IL15: variants seen among roughly 807,000 people sequenced by gnomAD.
The protein encoded by IL15 is interleukin 15.
IL15 carries 11 observed loss-of-function variants against 19.6 expected under a neutral mutation model. The observed-to-expected ratio is 0.56, with a 90% CI of 0.35 to 0.93. The LOEUF is 0.93. Ranked by LOEUF, IL15 falls within the 40% of genes least tolerant of loss-of-function variation. IL15 has a pLI of 0.01. For synonymous variants in IL15, 58 were observed against 59.6 expected, an observed-to-expected ratio of 0.97 and a Z score of 0.12; for missense variants, 197 against 186.5, an observed-to-expected ratio of 1.06 and a Z score of -0.33.
At chr4:141,638,984 A>G (rs1211144831) in intron 1 of IL15, among the ~76,000 whole-genome samples, 1 of 152,228 alleles carries the variant, frequency 6.6e-6, no homozygotes, top group East Asian at 1.9e-4. Flanking sequence ...AGCTGATCAT[A>G]ATACAGAGTT....
At chr4:141,690,207 C>G (rs961725665) in intron 2 of IL15, among the ~76,000 whole-genome samples, 7 of 152,314 alleles carry the variant, frequency 4.6e-5, no homozygotes, top group East Asian at 3.9e-4. Flanking sequence ...CCGCAAGCGC[C>G]GCACGCAGGC....
chr4:141,718,115 G>A (rs1729952028), intron 2 of IL15: 1 of 152,176 alleles, frequency 6.6e-6, no homozygotes, highest in Non-Finnish European at 1.5e-5. Context: ...ATACCAGCAG[G>A]ATGTAGTTGA....
At chr4:141,673,469 T>C (rs1728240737) in intron 2 of IL15, among the ~76,000 whole-genome samples, 1 of 152,208 alleles carries the variant, frequency 6.6e-6, no homozygotes, top group East Asian at 1.9e-4. Flanking sequence ...ATTATGCCTT[T>C]GGTATCTTAC....
chr4:141,652,156 A>G (rs1336496219), intron 1 of IL15, among the ~76,000 whole-genome samples: 1 of 152,182 alleles, frequency 6.6e-6, no homozygotes, highest in African/African-American at 2.4e-5. Flanking sequence ...AAGAATGGCA[A>G]TCTATTTATA....
At chr4:141,727,043 C>G (rs2857262) in intron 5 of IL15, among the ~76,000 whole-genome samples, 7 of 151,962 alleles carry the variant, frequency 4.6e-5, no homozygotes, top group Admixed American at 6.6e-5. Context: ...TCAGTGGTTG[C>G]TAGGGGTTTG....
chr4:141,724,567 A>G (rs1730196741), intron 5 of IL15, among the ~76,000 whole-genome samples: 1 of 57,004 alleles, frequency 1.8e-5, no homozygotes, highest in Non-Finnish European at 3.0e-5. Context: ...TTGATCTTTA[A>G]TTGACAGAAA....
intron 6 of IL15, among the ~76,000 whole-genome samples, chr4:141,729,529 T>C (rs1215765804): frequency 6.6e-6 from 1 of 152,188 alleles, no homozygotes; most frequent in Non-Finnish European, 1.5e-5. Flanking sequence ...GTTTTCAGAC[T>C]CTAAGGCCAG....
At chr4:141,657,147 G>A (rs7435392) in intron 2 of IL15, among the ~76,000 whole-genome samples, 1 of 152,074 alleles carries the variant, frequency 6.6e-6, no homozygotes, top group Non-Finnish European at 1.5e-5. Context: ...AATACTGTAG[G>A]CAATTGTAAC....
At chr4:141,666,843 A>G (rs1176597115) in intron 2 of IL15, among the ~76,000 whole-genome samples, 2 of 152,226 alleles carry the variant, frequency 1.3e-5, no homozygotes, top group Non-Finnish European at 2.9e-5. Flanking sequence ...TGCTGCACAG[A>G]GAGGCCAAGA....
At chr4:141,638,722 C>T (rs181034750) in intron 1 of IL15, among the ~76,000 whole-genome samples, 11 of 152,274 alleles carry the variant, frequency 7.2e-5, no homozygotes, top group East Asian at 3.9e-4. Flanking sequence ...TTAAAGCCTA[C>T]GGGATACTCC....
intron 4 of IL15, chr4:141,720,918 C>T: frequency 1.8e-6 from 1 of 551,608 alleles, no homozygotes; most frequent in Non-Finnish European, 3.2e-6. Context: ...TTTATCTGTC[C>T]CTGACACTGA....
At chr4:141,698,971 T>TA (rs1404059144) in intron 2 of IL15, among the ~76,000 whole-genome samples, 1 of 152,100 alleles carries the variant, frequency 6.6e-6, no homozygotes, top group Non-Finnish European at 1.5e-5. Flanking sequence ...TTAATGCTAT[T>TA]AACTTTCTTC....
intron 2 of IL15, among the ~76,000 whole-genome samples, chr4:141,702,303 T>G (rs1461100010): frequency 1.3e-5 from 2 of 152,236 alleles, no homozygotes; most frequent in Admixed American, 1.3e-4. Flanking sequence ...AGAGCTGTAC[T>G]GCAGTGATTA....
chr4:141,684,142 A>G (rs1268188098), intron 2 of IL15, among the ~76,000 whole-genome samples: 1 of 152,210 alleles, frequency 6.6e-6, no homozygotes, highest in Non-Finnish European at 1.5e-5. Flanking sequence ...CTGTACCCAG[A>G]CAGCTAAAAA....
intron 2 of IL15, among the ~76,000 whole-genome samples, chr4:141,708,046 G>C (rs991387066): frequency 2.6e-5 from 4 of 152,212 alleles, no homozygotes; most frequent in African/African-American, 7.2e-5. Flanking sequence ...AGGCCATGCA[G>C]CTCTGCAGTG....
intron 2 of IL15, among the ~76,000 whole-genome samples, chr4:141,673,792 AT>A: frequency 6.6e-6 from 1 of 152,018 alleles, no homozygotes; most frequent in East Asian, 1.9e-4. Flanking sequence ...ATTCTTTTTA[AT>A]TTCATTATAT....
intron 2 of IL15, among the ~76,000 whole-genome samples, chr4:141,678,384 T>A (rs77428443): frequency 6.6e-6 from 1 of 152,010 alleles, no homozygotes; most frequent in Non-Finnish European, 1.5e-5. Flanking sequence ...GTAGTCATAT[T>A]TTTTTTTCTG....
chr4:141,650,785 G>A (rs1217988456), intron 1 of IL15, among the ~76,000 whole-genome samples: 2 of 152,086 alleles, frequency 1.3e-5, no homozygotes, highest in East Asian at 1.9e-4. Flanking sequence ...CTTAGGCACT[G>A]GAAGGGACTT....
chr4:141,721,654 A>T, intron 4 of IL15: 1 of 521,662 alleles, frequency 1.9e-6, no homozygotes, highest in East Asian at 3.7e-5. Context: ...CATTGTGATA[A>T]ATTGAGCCAG....
Sources: allele counts gnomAD v4.1 joint callset (sites outside exome capture counted in the v4.1 genomes callset), GRCh38; gene constraint gnomAD v4.1.1; transcripts MANE v1.5; gene names NCBI Gene and HGNC (gene_info 2026-07-23, HGNC 2026-07-21).